The following PPIA variants were observed in gnomAD, a reference collection of about 807,000 sequenced individuals.
PPIA encodes peptidylprolyl isomerase A.
A neutral mutation model predicts 15.3 loss-of-function variants in PPIA; 2 were observed. That is an observed-to-expected ratio of 0.13 (90% CI 0.05 to 0.41). PPIA has a LOEUF of 0.41. PPIA is among the 10% of genes least tolerant of loss of function. PPIA has a pLI of 0.99. For missense variants in PPIA, 103 were observed against 210.3 expected, an observed-to-expected ratio of 0.49 and a Z score of 3.16; for synonymous variants, 67 against 73.1, an observed-to-expected ratio of 0.92 and a Z score of 0.43.
chr7:44,799,341 A>T, intron 2 of PPIA, 51 bp from the exon 3 acceptor site: 1 of 1,588,950 alleles, frequency 6.3e-7, no homozygotes, highest in Non-Finnish European at 8.6e-7. Flanking sequence ...GTGTGTGTGT[A>T]TATATATATT....
At position 44,796,748 on chromosome 7, in the gene PPIA, C is replaced by A; in HGVS notation, c.24C>A (p.Phe8Leu). MVNPTVF[F>L]DIAVDGEPLG... ...CCATGGTCAACCCCACCGTGTTCTT[C>A]GACATTGCCGTCGACGGCGAGCCCT... The change falls in exon 1 of 5, where the codon TTC becomes TTA. Residue 8 changes from phenylalanine to leucine, a missense_variant. Physicochemically the swap from Phe to Leu is conservative, Grantham distance 22. Coordinates refer to ENST00000468812, the MANE Select transcript of PPIA (RefSeq NM_021130.5). 1 of 1,609,980 alleles carries A rather than the reference C, an allele frequency of 6.2e-7. No individual in the cohort carries two copies. The highest frequency in any genetic ancestry group is 8.5e-7 in the Non-Finnish European group (1 of 1,178,750).
chr7:44,800,048 C>T (rs1792499191), intron 4 of PPIA, 174 bp downstream of exon 4: 3 of 687,112 alleles, frequency 4.4e-6, no homozygotes, highest in Non-Finnish European at 7.2e-6. Flanking sequence ...TACAGAATGT[C>T]AGATACTATG....
intron 4 of PPIA, among the ~76,000 whole-genome samples, chr7:44,800,815 CT>C (rs1361853682): frequency 1.3e-5 from 2 of 151,880 alleles, no homozygotes; most frequent in African/African-American, 4.8e-5. Context: ...GCAATTCATT[CT>C]ATATGTGTAA....
intron 4 of PPIA, 42 bp downstream of exon 4, chr7:44,799,916 A>G (rs1239054370): frequency 1.3e-6 from 2 of 1,589,624 alleles, no homozygotes; most frequent in Middle Eastern, 1.7e-4. Context: ...GACTAAATGA[A>G]AAGTTGCCCT....
intron 1 of PPIA, among the ~76,000 whole-genome samples, chr7:44,797,369 A>T (rs1317287316): frequency 6.6e-6 from 1 of 152,234 alleles, no homozygotes. Flanking sequence ...CTGGGATGTG[A>T]CGGGTTGCCA....
chr7:44,797,035 C>T (rs1386840590), intron 1 of PPIA, among the ~76,000 whole-genome samples: 2 of 152,098 alleles, frequency 1.3e-5, no homozygotes, highest in Non-Finnish European at 2.9e-5. Context: ...GGGAGGGGGC[C>T]CGCGTCCGCC....
chr7:44,797,716 G>T (rs1283963219), intron 1 of PPIA, among the ~76,000 whole-genome samples: 1 of 152,202 alleles, frequency 6.6e-6, no homozygotes. Context: ...AACTTGGCGC[G>T]TGTCTTCAAA....
At chr7:44,798,647 G>A (rs1792454447) in intron 1 of PPIA, 2 of 728,482 alleles carry the variant, frequency 2.7e-6, no homozygotes, top group South Asian at 1.2e-4. Context: ...AATGTTTATG[G>A]TATTTAAGCT....
rs142167741 is a variant in PPIA at position 44,799,325 on chromosome 7, T to TTG, written c.101-53_101-52dup. On this transcript the variant is annotated intron_variant, in intron 2 of 4. Coordinates refer to ENST00000468812, the MANE Select transcript of PPIA (RefSeq NM_021130.5). ...ACAAAGATGTTCCAATTGTGACAGTTTGTGTGTGTGTGTGTATATATATAT... is the reference window on the plus strand; with the variant it reads ...ACAAAGATGTTCCAATTGTGACAGTTTGTGTGTGTGTGTGTGTATATATATAT... The TTG allele has an allele frequency of 3.3e-3, 5,266 of 1,601,624 alleles. 90 individuals carry two copies. The African/African-American group carries it at 0.054, about 16-fold the overall frequency.
chr7:44,798,060 G>C (rs1792433809), intron 1 of PPIA: 1 of 152,130 alleles, frequency 6.6e-6, no homozygotes, highest in African/African-American at 2.4e-5. Flanking sequence ...TTGGGCATCA[G>C]GTTACCCAAA....
At position 44,799,592 on chromosome 7, in the gene PPIA, A is replaced by G. The variant is rs1375712169; in HGVS notation, c.190-110A>G. On this transcript the variant is annotated intron_variant, in intron 3 of 4. Coordinates refer to ENST00000468812, the MANE Select transcript of PPIA (RefSeq NM_021130.5). The stretch of plus-strand genomic sequence containing the variant: ...ACTGTTACTCTACCATTTCGGTTCT[A>G]TTTAACCCTTCTATTCAGTTTGAAC... 5.7e-6 allele frequency: 9 copies of G among 1,575,276 alleles called. 1 individual carries two copies. The South Asian group carries it at 6.7e-5, about 12-fold the overall frequency.
At chr7:44,800,568 A>C (rs1006891659) in intron 4 of PPIA, 1 of 151,698 alleles carries the variant, frequency 6.6e-6, no homozygotes, top group Non-Finnish European at 1.4e-5. Flanking sequence ...TCCCAGCTAA[A>C]TTGTGTATTA....
At chr7:44,798,590 T>C in intron 1 of PPIA, 1 of 286,146 alleles carries the variant, frequency 3.5e-6, no homozygotes, top group Non-Finnish European at 5.2e-6. Context: ...TGAAATAGCT[T>C]ATAAAATGCT....
Position 44,799,711 on chromosome 7 carries a change from T to G in PPIA, c.199T>G (p.Phe67Val). 6.2e-7 allele frequency: 1 copy of G among 1,614,002 alleles called. No individual in the cohort carries two copies. Among genetic ancestry groups the G allele is most frequent in the Admixed American group, 1.7e-5 (1 of 60,006 alleles). ...IPGFMCQGGD[F>V]TRHNGTGGKS... Reference sequence around the variant, plus strand: ...TCCTATATGTTGACAGGGTGGTGACTTCACACGCCATAATGGCACTGGTGG... The same window carrying G: ...TCCTATATGTTGACAGGGTGGTGACGTCACACGCCATAATGGCACTGGTGG... The change falls in exon 4 of 5, where the codon TTC (phenylalanine) becomes GTC (valine). Residue 67 changes from phenylalanine (F) to valine (V), a missense_variant. Transcript: ENST00000468812.
At chr7:44,797,057 T>TGTGGCCGCGCCCTGTC (rs1172752801) in intron 1 of PPIA, among the ~76,000 whole-genome samples, 1 of 152,156 alleles carries the variant, frequency 6.6e-6, no homozygotes, top group Non-Finnish European at 1.5e-5. Context: ...GCCCGCCTCA[T>TGTGGCCGCGCCCTGTC]GTGGCCGCGC....
intron 1 of PPIA, chr7:44,798,759 G>A (rs1017282565): frequency 1.3e-5 from 13 of 988,126 alleles, no homozygotes; most frequent in Non-Finnish European, 1.6e-5. Flanking sequence ...TAAGGGGCCT[G>A]GATACCAAGA....
intron 4 of PPIA, among the ~76,000 whole-genome samples, chr7:44,800,886 C>T (rs17860077): frequency 6.6e-6 from 1 of 152,042 alleles, no homozygotes; most frequent in Non-Finnish European, 1.5e-5. Flanking sequence ...GGCGCGATCT[C>T]GGCTCACTGC....
At chr7:44,798,537 G>C (rs1792450659) in intron 1 of PPIA, 4 of 172,120 alleles carry the variant, frequency 2.3e-5, no homozygotes, top group African/African-American at 9.6e-5. Flanking sequence ...ATTGCTATAA[G>C]AGAAGTGCAC....
At chr7:44,799,327 G>A in intron 2 of PPIA, 50 bp downstream of exon 2, 14 of 1,531,144 alleles carry the variant, frequency 9.1e-6, no homozygotes, top group Non-Finnish European at 1.3e-5. Context: ...GTGACAGTTT[G>A]TGTGTGTGTG....
Sources: allele counts gnomAD v4.1 joint callset (sites outside exome capture counted in the v4.1 genomes callset), GRCh38; gene constraint gnomAD v4.1.1; transcripts MANE v1.5; gene names NCBI Gene and HGNC (gene_info 2026-07-23, HGNC 2026-07-21).